Variants in TENM2 observed in about 807,000 individuals in gnomAD.
TENM2 encodes the protein teneurin transmembrane protein 2, also known as teneurin-2.
A neutral mutation model predicts 245.2 loss-of-function variants in TENM2; 52 were observed. That is an observed-to-expected ratio of 0.21 (90% CI 0.17 to 0.27). The LOEUF (loss-of-function observed/expected upper bound fraction) is 0.27, where lower values mean the gene tolerates loss of function less well. TENM2 is among the 10% of genes least tolerant of loss of function. TENM2 has a pLI of 1.00. For synonymous variants in TENM2, 1,363 were observed against 1,438.9 expected, an observed-to-expected ratio of 0.95 and a Z score of 1.19; for missense variants, 3,046 against 3,666.8, an observed-to-expected ratio of 0.83 and a Z score of 4.37.
intron 1 of TENM2, among the ~76,000 whole-genome samples, chr5:167,369,292 A>C (rs1302960653): frequency 6.6e-6 from 1 of 152,134 alleles, no homozygotes; most frequent in Non-Finnish European, 1.5e-5. Context: ...TTAGTGGGAA[A>C]AGTAGAAAAG....
chr5:167,472,501 C>T (rs1232213032), intron 2 of TENM2, among the ~76,000 whole-genome samples: 3 of 152,174 alleles, frequency 2.0e-5, no homozygotes, highest in African/African-American at 7.2e-5. Flanking sequence ...TGCTATCCAT[C>T]ATGCCTAAAA....
chr5:168,199,035 A>C (rs1207752873), exon 16 of TENM2: 1 of 1,613,762 alleles, frequency 6.2e-7, no homozygotes, highest in Admixed American at 1.7e-5. Flanking sequence ...GTCCGGCCTG[A>C]TCCAATCATC....
chr5:167,939,114 G>A (rs1240634538), intron 3 of TENM2, among the ~76,000 whole-genome samples: 1 of 152,130 alleles, frequency 6.6e-6, no homozygotes, highest in Non-Finnish European at 1.5e-5. Flanking sequence ...CCCTGCGCAT[G>A]GCTTTTCTAG....
chr5:167,000,866 T>C, the TENM2 span, among the ~76,000 whole-genome samples: 3 of 152,190 alleles, frequency 2.0e-5, no homozygotes, highest in Admixed American at 6.5e-5. Flanking sequence ...AATTTACTTA[T>C]GTAAAAACCT....
At chr5:167,036,676 T>C in the TENM2 span, among the ~76,000 whole-genome samples, 15 of 152,232 alleles carry the variant, frequency 9.9e-5, no homozygotes, top group African/African-American at 3.4e-4. Context: ...TGTTATTTTG[T>C]ATCTTTGAGT....
chr5:167,194,619 A>G, the TENM2 span, among the ~76,000 whole-genome samples: 1 of 151,996 alleles, frequency 6.6e-6, no homozygotes, highest in South Asian at 2.1e-4. Context: ...GACGGTGAGA[A>G]GGAACAGGGG....
intron 1 of TENM2, among the ~76,000 whole-genome samples, chr5:167,329,881 T>G (rs1422511626): frequency 1.3e-5 from 2 of 152,206 alleles, no homozygotes; most frequent in African/African-American, 2.4e-5. Flanking sequence ...ATATCCCTAA[T>G]TCCTCATAAA....
intron 1 of TENM2, among the ~76,000 whole-genome samples, chr5:167,312,236 C>T (rs776574172): frequency 1.8e-4 from 27 of 152,108 alleles, no homozygotes; most frequent in Non-Finnish European, 2.9e-4. Flanking sequence ...CATGAACATA[C>T]ATAACATCAT....
intron 2 of TENM2, among the ~76,000 whole-genome samples, chr5:167,467,059 G>T (rs1766705432): frequency 6.6e-6 from 1 of 152,140 alleles, no homozygotes; most frequent in Non-Finnish European, 1.5e-5. Flanking sequence ...GGTCCTTAAA[G>T]CTAGACTCAC....
intron 12 of TENM2, among the ~76,000 whole-genome samples, chr5:168,130,636 G>A (rs1754494801): frequency 6.6e-6 from 1 of 152,166 alleles, no homozygotes; most frequent in African/African-American, 2.4e-5. Flanking sequence ...AGTGGCTCAT[G>A]CCTGTAATCC....
chr5:167,159,415 G>T, the TENM2 span, among the ~76,000 whole-genome samples: 1 of 152,110 alleles, frequency 6.6e-6, no homozygotes, highest in Non-Finnish European at 1.5e-5. Flanking sequence ...AGACAGCATG[G>T]TTACTATAGT....
chr5:167,837,883 A>T (rs1247207390), intron 2 of TENM2, among the ~76,000 whole-genome samples: 1 of 152,076 alleles, frequency 6.6e-6, no homozygotes, highest in East Asian at 1.9e-4. Flanking sequence ...AGCGCAGCAT[A>T]TGAAACCACA....
intron 2 of TENM2, among the ~76,000 whole-genome samples, chr5:167,692,712 C>T (rs893534591): frequency 1.3e-5 from 2 of 152,170 alleles, no homozygotes; most frequent in Admixed American, 6.5e-5. Context: ...CCCAGCTGTT[C>T]AAGCAGGTGC....
At chr5:167,393,286 A>G (rs1219476384) in intron 2 of TENM2, among the ~76,000 whole-genome samples, 1 of 152,174 alleles carries the variant, frequency 6.6e-6, no homozygotes, top group East Asian at 1.9e-4. Flanking sequence ...ATGGTATGGG[A>G]AAAAGAAGAC....
At chr5:167,058,127 G>C in the TENM2 span, among the ~76,000 whole-genome samples, 9 of 152,136 alleles carry the variant, frequency 5.9e-5, no homozygotes, top group Admixed American at 2.6e-4. Flanking sequence ...AAGAAGAGTT[G>C]TTGATTTTTC....
intron 5 of TENM2, among the ~76,000 whole-genome samples, chr5:168,040,300 C>T (rs1213980433): frequency 6.6e-6 from 1 of 152,168 alleles, no homozygotes; most frequent in Non-Finnish European, 1.5e-5. Context: ...CCAATGCCCC[C>T]TCTCATTTTG....
At chr5:168,095,892 C>T (rs891762594) in intron 8 of TENM2, among the ~76,000 whole-genome samples, 2 of 152,072 alleles carry the variant, frequency 1.3e-5, no homozygotes, top group Admixed American at 1.3e-4. Context: ...AGTGTCAGCA[C>T]ATGTTCTGTT....
chr5:167,615,289 AG>A (rs1442023586), intron 2 of TENM2, among the ~76,000 whole-genome samples: 2 of 152,152 alleles, frequency 1.3e-5, no homozygotes, highest in African/African-American at 2.4e-5. Flanking sequence ...AGTGGTGGGC[AG>A]TAAATATTAC....
Position 167,776,593 on chromosome 5 carries a change from G to GGAAAAAAAAAA in TENM2, c.503-99393_503-99392insGAAAAAAAAAA, listed in dbSNP as rs1437587032. Among the ~76,000 whole-genome samples the GGAAAAAAAAAA allele has an allele frequency of 6.9e-4, 25 of 36,028 alleles. 3 individuals carry two copies. The highest frequency in any genetic ancestry group is 1.9e-3 in the African/African-American group (22 of 11,442). 23.6% of individuals were successfully genotyped at this position (36,028 alleles called of 152,430 possible). A position where few individuals can be genotyped will look rare whatever the true frequency, so the allele number is the denominator to read the frequency against. On this transcript the variant is annotated intron_variant, in intron 2 of 28. Coordinates refer to ENST00000518659, the Ensembl canonical transcript of TENM2. ...TTGGGCAGCAGATGAGACCCTGTCT[G>GGAAAAAAAAAA]AAAAAAAAAAAAAAAAAAAAAAAAA...
Sources: allele counts gnomAD v4.1 joint callset (sites outside exome capture counted in the v4.1 genomes callset), GRCh38; gene constraint gnomAD v4.1.1; transcripts MANE v1.5; gene names NCBI Gene and HGNC (gene_info 2026-07-23, HGNC 2026-07-21).